FAM110B: variants seen among roughly 807,000 people sequenced by gnomAD.
The protein encoded by FAM110B is family with sequence similarity 110 member B.
A neutral mutation model predicts 20.4 loss-of-function variants in FAM110B; 6 were observed. The ratio of observed to expected loss-of-function variants is 0.29; its 90% confidence interval spans 0.16 to 0.58. The LOEUF is 0.58. Among genes scored for constraint, FAM110B ranks in the 20% least tolerant of loss-of-function variants. FAM110B has a pLI of 0.90. For missense variants in FAM110B, 434 were observed against 498.2 expected (o/e 0.87, Z 1.23); for synonymous variants, 226 against 214.1 (o/e 1.06, Z -0.49).
chr8:58,135,776 C>A (rs1803595978), intron 3 of FAM110B, among the ~76,000 whole-genome samples: 1 of 152,098 alleles, frequency 6.6e-6, no homozygotes, highest in South Asian at 2.1e-4. Context: ...CTGCCACTCA[C>A]CAGTACTCAC....
chr8:58,082,852 T>TTG (rs1201182195), intron 3 of FAM110B, among the ~76,000 whole-genome samples: 2 of 150,972 alleles, frequency 1.3e-5, no homozygotes, highest in African/African-American at 4.9e-5. Context: ...TTTTTGTTTT[T>TTG]TTTTTTTTTA....
Position 58,138,229 on chromosome 8 carries a change from G to A in FAM110B, c.-324-7678G>A, listed in dbSNP as rs565638708. Among the ~76,000 whole-genome samples the A allele has an allele frequency of 9.2e-5, 14 of 152,344 alleles. No individual in the cohort carries two copies. The South Asian group carries it at 1.4e-3, about 16-fold the overall frequency. On this transcript the variant is annotated intron_variant, in intron 3 of 3. Transcript: ENST00000519262. ...TTTTGGGTTCCGTGGAGGCAGCCAC[G>A]CCTCTGCTCAGCTAGTGGATGCCCC...
intron 2 of FAM110B, among the ~76,000 whole-genome samples, chr8:58,043,756 T>C (rs1805265119): frequency 6.6e-6 from 1 of 152,234 alleles, no homozygotes; most frequent in Non-Finnish European, 1.5e-5. Flanking sequence ...TTAGCTATTT[T>C]ACATGTATTA....
At chr8:58,110,987 A>G (rs964307695) in intron 3 of FAM110B, among the ~76,000 whole-genome samples, 2 of 152,200 alleles carry the variant, frequency 1.3e-5, no homozygotes, top group Non-Finnish European at 2.9e-5. Context: ...TTTCCTCAAG[A>G]TAGCGTTATT....
At chr8:58,101,701 C>G (rs1409426029) in intron 3 of FAM110B, among the ~76,000 whole-genome samples, 1 of 151,988 alleles carries the variant, frequency 6.6e-6, no homozygotes, top group Non-Finnish European at 1.5e-5. Context: ...GAATTAATTT[C>G]TTGATGGTAC....
In FAM110B at chr8:58,042,390, G is replaced by A. The variant is rs572674434; in HGVS notation, c.-414+10687G>A. 1.1e-4 allele frequency among the ~76,000 whole-genome samples: 16 copies of A among 152,328 alleles called. No individual in the cohort carries two copies. In the South Asian group the frequency reaches 3.3e-3, roughly 32 times the overall value. On this transcript the variant is annotated intron_variant, in intron 2 of 3. Transcript: ENST00000519262. ...GCATCATGCAGAGATGAAATTAGGG[G>A]ACCCATTTGTCTTTTGGCTGCTTTT...
At chr8:58,039,901 C>T (rs138853246) in intron 2 of FAM110B, among the ~76,000 whole-genome samples, 1 of 152,270 alleles carries the variant, frequency 6.6e-6, no homozygotes, top group Non-Finnish European at 1.5e-5. Context: ...GGACTACAGG[C>T]ATATGCCACC....
chr8:58,097,759 A>G (rs1314550866), intron 3 of FAM110B, among the ~76,000 whole-genome samples: 1 of 151,962 alleles, frequency 6.6e-6, no homozygotes, highest in Non-Finnish European at 1.5e-5. Context: ...TGATGTTGAC[A>G]CTGTTCTTTT....
At chr8:58,102,975 A>G (rs1440034710) in intron 3 of FAM110B, among the ~76,000 whole-genome samples, 4 of 143,980 alleles carry the variant, frequency 2.8e-5, no homozygotes, top group Non-Finnish European at 3.0e-5. Context: ...TTACCTGAGC[A>G]GTATTATATA....
At chr8:58,079,814 A>C (rs990780146) in intron 3 of FAM110B, among the ~76,000 whole-genome samples, 2 of 152,128 alleles carry the variant, frequency 1.3e-5, no homozygotes, top group African/African-American at 4.8e-5. Flanking sequence ...ACATATTAAA[A>C]TTTTTTAAAT....
intron 1 of FAM110B, among the ~76,000 whole-genome samples, chr8:57,997,832 C>T (rs1475043036): frequency 2.0e-5 from 3 of 152,160 alleles, no homozygotes; most frequent in Admixed American, 6.5e-5. Context: ...GCAAAATCCT[C>T]GATGGTTGAT....
intron 2 of FAM110B, among the ~76,000 whole-genome samples, chr8:58,075,267 T>TGTGTG (rs1554521043): frequency 6.7e-5 from 9 of 134,182 alleles, no homozygotes; most frequent in African/African-American, 1.1e-4. Flanking sequence ...TTTTGCTTTT[T>TGTGTG]TTTTTTTTTG....
chr8:58,085,405 C>T (rs144532758), intron 3 of FAM110B, among the ~76,000 whole-genome samples: 33 of 152,186 alleles, frequency 2.2e-4, no homozygotes, highest in African/African-American at 7.0e-4. Context: ...CCCAGCCACT[C>T]GGGAGGCTGA....
chr8:58,023,998 G>A (rs1451782221), intron 1 of FAM110B, among the ~76,000 whole-genome samples: 2 of 152,124 alleles, frequency 1.3e-5, no homozygotes, highest in Non-Finnish European at 2.9e-5. Context: ...TTGTGACACT[G>A]ACATTGTACT....
intron 3 of FAM110B, among the ~76,000 whole-genome samples, chr8:58,118,385 C>T (rs2150625014): frequency 6.6e-6 from 1 of 152,288 alleles, no homozygotes; most frequent in South Asian, 2.1e-4. Flanking sequence ...CATTCCAGGA[C>T]ATTAGGATTT....
intron 2 of FAM110B, among the ~76,000 whole-genome samples, chr8:58,057,597 T>G (rs1365015847): frequency 6.6e-6 from 1 of 152,176 alleles, no homozygotes; most frequent in Non-Finnish European, 1.5e-5. Context: ...TGTCACCATC[T>G]TAAGCCCCTA....
chr8:58,027,623 G>A (rs1804878993), intron 1 of FAM110B, among the ~76,000 whole-genome samples: 1 of 152,172 alleles, frequency 6.6e-6, no homozygotes, highest in South Asian at 2.1e-4. Context: ...CACTGTGACT[G>A]TGCCAATCAT....
At chr8:58,008,721 A>G (rs549626798) in intron 1 of FAM110B, among the ~76,000 whole-genome samples, 9 of 152,208 alleles carry the variant, frequency 5.9e-5, no homozygotes, top group Non-Finnish European at 5.9e-5. Flanking sequence ...AGGGGACTCA[A>G]TGAATACTTC....
intron 3 of FAM110B, among the ~76,000 whole-genome samples, chr8:58,127,507 A>G (rs1052874181): frequency 1.3e-5 from 2 of 151,434 alleles, no homozygotes; most frequent in Non-Finnish European, 2.9e-5. Context: ...CTTCTTCTTT[A>G]TTGTCTATCT....
Sources: allele counts gnomAD v4.1 joint callset (sites outside exome capture counted in the v4.1 genomes callset), GRCh38; gene constraint gnomAD v4.1.1; transcripts MANE v1.5; gene names NCBI Gene and HGNC (gene_info 2026-07-23, HGNC 2026-07-21).